Variants in XKR6 observed in about 807,000 individuals in gnomAD.
The protein encoded by XKR6 is XK-related protein 6.
XKR6 carries 22 observed loss-of-function variants against 56.7 expected under a neutral mutation model. That is an observed-to-expected ratio of 0.39 (90% CI 0.28 to 0.55). The LOEUF (loss-of-function observed/expected upper bound fraction) is 0.55. Among genes scored for constraint, XKR6 ranks in the 20% least tolerant of loss-of-function variants. XKR6 has a pLI of 0.66. For missense variants in XKR6, 852 were observed against 889.0 expected (o/e 0.96, Z 0.53); for synonymous variants, 524 against 387.8 (o/e 1.35, Z -4.13).
chr8:11,093,872 C>T (rs1393807735), intron 1 of XKR6, among the ~76,000 whole-genome samples: 1 of 149,768 alleles, frequency 6.7e-6, no homozygotes, highest in Non-Finnish European at 1.5e-5. Flanking sequence ...CAAGTTCTGC[C>T]TCCCGGGTTC....
At chr8:11,033,463 A>T (rs1006866794) in intron 1 of XKR6, among the ~76,000 whole-genome samples, 7 of 151,784 alleles carry the variant, frequency 4.6e-5, no homozygotes, top group African/African-American at 1.7e-4. Flanking sequence ...GATGATGGTA[A>T]TGATGGTGAT....
chr8:11,079,823 C>T (rs578110160), intron 1 of XKR6, among the ~76,000 whole-genome samples: 75 of 152,096 alleles, frequency 4.9e-4, no homozygotes, highest in African/African-American at 1.4e-3. Flanking sequence ...AAAAAATTAG[C>T]TGGCATGGTG....
intron 1 of XKR6, among the ~76,000 whole-genome samples, chr8:10,999,975 T>C (rs1798202024): frequency 6.6e-6 from 1 of 152,232 alleles, no homozygotes; most frequent in Non-Finnish European, 1.5e-5. Context: ...GGTCTCCATA[T>C]GACTTCCCAG....
At chr8:11,011,954 A>G (rs1798509832) in intron 1 of XKR6, among the ~76,000 whole-genome samples, 1 of 152,222 alleles carries the variant, frequency 6.6e-6, no homozygotes, top group Admixed American at 6.5e-5. Flanking sequence ...ATGGTGCAGG[A>G]GGTGGCAGGG....
At chr8:11,109,168 G>T (rs11778121) in intron 1 of XKR6, 1 of 151,864 alleles carries the variant, frequency 6.6e-6, no homozygotes, top group Non-Finnish European at 1.5e-5. Flanking sequence ...AAAAGTGTAA[G>T]GTTTTCTTTG....
intron 1 of XKR6, among the ~76,000 whole-genome samples, chr8:10,944,684 G>C (rs1390197265): frequency 6.6e-6 from 1 of 152,160 alleles, no homozygotes; most frequent in Non-Finnish European, 1.5e-5. Flanking sequence ...CAGCCTGGCT[G>C]GCTCCGAGAA....
At chr8:11,156,655 T>A (rs1477234891) in intron 1 of XKR6, among the ~76,000 whole-genome samples, 1 of 152,210 alleles carries the variant, frequency 6.6e-6, no homozygotes, top group Admixed American at 6.5e-5. Context: ...ACCCATTATC[T>A]ATTCAATTGT....
chr8:10,949,219 A>G (rs1188528133), intron 1 of XKR6, among the ~76,000 whole-genome samples: 3 of 152,180 alleles, frequency 2.0e-5, no homozygotes, highest in Non-Finnish European at 2.9e-5. Context: ...CTCTCCCTCC[A>G]TAAGATAAAG....
At chr8:10,965,165 T>A (rs982717954) in intron 1 of XKR6, among the ~76,000 whole-genome samples, 2 of 152,158 alleles carry the variant, frequency 1.3e-5, no homozygotes, top group Admixed American at 6.5e-5. Flanking sequence ...GTCCCCTGGG[T>A]CCTGTGGACA....
Position 10,898,939 on chromosome 8 carries a change from C to T in XKR6, c.962-23G>A, listed in dbSNP as rs1799960733. The T allele has an allele frequency of 6.3e-7, 1 of 1,576,768 alleles. No homozygotes were observed. Among genetic ancestry groups the T allele is most frequent in the African/African-American group, 1.4e-5 (1 of 73,888 alleles). ...CACCTGCCGGAAAGACACAAACCCA[C>T]ACAGTCAAAACCTTGGACATCAACC... is the stretch of plus-strand genomic sequence containing the variant. On this transcript the variant is annotated intron_variant, in intron 2 of 2. Coordinates refer to ENST00000416569, the MANE Select transcript of XKR6 (RefSeq NM_173683.4). This position sits in a 1 kb window ranked among gnomAD's most constrained non-coding sequence, Gnocchi z 6.6.
intron 1 of XKR6, among the ~76,000 whole-genome samples, chr8:11,090,518 T>G (rs549128668): frequency 6.6e-6 from 1 of 152,300 alleles, no homozygotes; most frequent in African/African-American, 2.4e-5. Flanking sequence ...GTAAACCAGT[T>G]TACATATTCA....
intron 1 of XKR6, among the ~76,000 whole-genome samples, chr8:11,138,995 G>C (rs1800543262): frequency 6.6e-6 from 1 of 151,252 alleles, no homozygotes; most frequent in African/African-American, 2.4e-5. Context: ...TAGTTAGCTA[G>C]TTGCCACATT....
chr8:11,187,189 C>T (rs1427503688), intron 1 of XKR6, among the ~76,000 whole-genome samples: 1 of 152,182 alleles, frequency 6.6e-6, no homozygotes, highest in Non-Finnish European at 1.5e-5. Flanking sequence ...AATGCTGCAT[C>T]AAGAAATTAT....
intron 1 of XKR6, among the ~76,000 whole-genome samples, chr8:11,019,056 T>C (rs1167488347): frequency 6.6e-6 from 1 of 152,208 alleles, no homozygotes; most frequent in Non-Finnish European, 1.5e-5. Flanking sequence ...TCACTCCTTC[T>C]TCCTGGTGGC....
At chr8:10,925,331 A>T (rs1214136369) in intron 1 of XKR6, among the ~76,000 whole-genome samples, 1 of 152,192 alleles carries the variant, frequency 6.6e-6, no homozygotes, top group Non-Finnish European at 1.5e-5. Context: ...GGTGGTAAGT[A>T]GGAGGGTATG....
At chr8:10,941,779 C>CCAG (rs1563301301) in intron 1 of XKR6, among the ~76,000 whole-genome samples, 1 of 152,162 alleles carries the variant, frequency 6.6e-6, no homozygotes, top group Non-Finnish European at 1.5e-5. Context: ...CCACCCTCGA[C>CCAG]CAGCAGGGCC....
intron 1 of XKR6, among the ~76,000 whole-genome samples, chr8:11,073,514 A>G (rs934762582): frequency 2.0e-5 from 3 of 152,184 alleles, no homozygotes; most frequent in African/African-American, 7.2e-5. Context: ...TGGTAATAAC[A>G]TTCCCTGTTC....
chr8:11,019,598 G>A (rs1798704427), intron 1 of XKR6, among the ~76,000 whole-genome samples: 1 of 152,208 alleles, frequency 6.6e-6, no homozygotes, highest in African/African-American at 2.4e-5. Flanking sequence ...CCCAGGCCCA[G>A]GTCTGGGCCC....
At chr8:10,905,276 G>C (rs945419206) in intron 2 of XKR6, among the ~76,000 whole-genome samples, 2 of 152,140 alleles carry the variant, frequency 1.3e-5, no homozygotes, top group African/African-American at 4.8e-5. Context: ...TGTCACTCAG[G>C]TCGTGCGGCA....
Sources: allele counts gnomAD v4.1 joint callset (sites outside exome capture counted in the v4.1 genomes callset), GRCh38; gene constraint gnomAD v4.1.1; non-coding constraint Gnocchi (gnomAD v3.1); transcripts MANE v1.5; gene names NCBI Gene and HGNC (gene_info 2026-07-23, HGNC 2026-07-21).